NRIP1: variants seen among roughly 807,000 people sequenced by gnomAD.
The protein encoded by NRIP1 is nuclear receptor interacting protein 1, also known as nuclear receptor-interacting protein 1.
A neutral mutation model predicts 75.0 loss-of-function variants in NRIP1; 28 were observed. That is an observed-to-expected ratio of 0.37 (90% confidence interval 0.28 to 0.51). The LOEUF (loss-of-function observed/expected upper bound fraction) is 0.51. NRIP1 is among the 20% of genes least tolerant of loss of function. The probability of loss-of-function intolerance (pLI) is 0.92; values close to 1 mark genes in which losing one functional copy is unlikely to be tolerated. For synonymous variants in NRIP1, 526 were observed against 487.6 expected (o/e 1.08, Z -1.04); for missense variants, 1,435 against 1,343.7 (o/e 1.07, Z -1.06).
intron 2 of NRIP1, among the ~76,000 whole-genome samples, chr21:15,037,549 T>C (rs1401612054): frequency 6.6e-6 from 1 of 152,166 alleles, no homozygotes; most frequent in Non-Finnish European, 1.5e-5. Context: ...GCAGTGTGAA[T>C]GGCATTCATC....
At position 14,964,932 on chromosome 21, in the gene NRIP1, C is replaced by T. The variant is rs753774485; in HGVS notation, c.3261G>A (p.Lys1087=). 11 of 1,613,758 alleles carry T rather than the reference C, an allele frequency of 6.8e-6. No homozygotes were observed. The highest frequency in any genetic ancestry group is 3.3e-5 in the South Asian group (3 of 91,044). The change falls in exon 4 of 4, where the codon AAG becomes AAA. Residue 1087 remains lysine (K), a synonymous_variant. Transcript: ENST00000318948. ...CAGATGAAGCCTCCCTCCAAATGTC[C>T]TTGTCTTGTGTTTCTCGACTGGTAA... ...NSVTSRETQD[K]DIWREASSAE...
chr21:15,021,187 C>A (rs2088364750), intron 2 of NRIP1, among the ~76,000 whole-genome samples: 1 of 152,062 alleles, frequency 6.6e-6, no homozygotes, highest in African/African-American at 2.4e-5. Flanking sequence ...TAAAGGCAAG[C>A]ATAAAGTGTA....
chr21:15,053,564 A>C (rs2089246027), intron 1 of NRIP1, among the ~76,000 whole-genome samples: 1 of 152,244 alleles, frequency 6.6e-6, no homozygotes, highest in African/African-American at 2.4e-5. Flanking sequence ...ATTTATAGAA[A>C]TTCACACATT....
chr21:15,020,385 C>T (rs1410446584), intron 2 of NRIP1, among the ~76,000 whole-genome samples: 4 of 152,078 alleles, frequency 2.6e-5, no homozygotes, highest in African/African-American at 7.2e-5. Context: ...GTTAGATATC[C>T]ATATGTGAAA....
intron 3 of NRIP1, among the ~76,000 whole-genome samples, chr21:15,003,712 G>A (rs1190434592): frequency 1.3e-5 from 2 of 152,180 alleles, no homozygotes; most frequent in Non-Finnish European, 1.5e-5. Context: ...TGCCCAATTA[G>A]GCAGCTGTCA....
intron 3 of NRIP1, among the ~76,000 whole-genome samples, chr21:15,004,109 G>A (rs2087911252): frequency 6.6e-6 from 1 of 152,032 alleles, no homozygotes; most frequent in South Asian, 2.1e-4. Flanking sequence ...TTTCTCAATA[G>A]GAGAAAAATC....
At chr21:14,992,216 T>C (rs1189241526) in intron 3 of NRIP1, 1 of 152,100 alleles carries the variant, frequency 6.6e-6, no homozygotes, top group Non-Finnish European at 1.5e-5. Context: ...TTTTACATGT[T>C]TGTTTGTTTG....
At position 14,965,141 on chromosome 21, in the gene NRIP1, A is replaced by G. The variant is rs751436045; in HGVS notation, c.3052T>C (p.Leu1018=). Reference sequence around the variant, plus strand: ...TCTGGTCTAGACCCTGCACAGCCCAAGTGCTCAGGGAAAGTAGGACTCACA... The same window carrying G: ...TCTGGTCTAGACCCTGCACAGCCCAGGTGCTCAGGGAAAGTAGGACTCACA... ...TPVSPTFPEH[L]GCAGSRPESG... The change falls in exon 4 of 4, where the codon TTG becomes CTG. Residue 1018 remains leucine (L), a synonymous_variant. Coordinates refer to ENST00000318948, the MANE Select transcript of NRIP1 (RefSeq NM_003489.4). 7 of 1,613,080 alleles carry G rather than the reference A, an allele frequency of 4.3e-6. No individual in the cohort carries two copies. The highest frequency in any genetic ancestry group is 4.2e-6 in the Non-Finnish European group (5 of 1,179,928).
chr21:15,060,354 T>C (rs916022675), intron 1 of NRIP1, among the ~76,000 whole-genome samples: 1 of 152,168 alleles, frequency 6.6e-6, no homozygotes, highest in Admixed American at 6.5e-5. Context: ...GAAACCCTGA[T>C]AAGACTTCAG....
rs1423968719 is a variant in NRIP1, at chr21:14,965,235, G to C, written c.2958C>G (p.Tyr986Ter). The C allele has an allele frequency of 6.2e-7, 1 of 1,613,944 alleles. No homozygotes were observed. The highest frequency in any genetic ancestry group is 2.2e-5 in the East Asian group (1 of 44,882). The change falls in exon 4 of 4, where the codon TAC (tyrosine) becomes TAG (stop). Residue 986 changes from tyrosine (Y) to a stop codon, truncating the protein, a stop_gained. Transcript: ENST00000318948. LOFTEE classifies it high-confidence loss of function. The stretch of plus-strand genomic sequence containing the variant: ...TGCAACTGCTGGGCTGAGTGGAACT[G>C]TACATCAGTCCATTTAAAGAAGAAA... ...FSISSLNGLM[Y>*]SSTQPSSCMD...
At chr21:14,994,217 C>G (rs192358751) in intron 3 of NRIP1, among the ~76,000 whole-genome samples, 237 of 152,230 alleles carry the variant, frequency 1.6e-3, no homozygotes, top group African/African-American at 5.2e-3. Flanking sequence ...CTCCGCCTCC[C>G]GAGTTCAAGT....
intron 2 of NRIP1, among the ~76,000 whole-genome samples, chr21:15,031,148 A>G (rs8128994): frequency 3.8e-3 from 265 of 69,506 alleles, no homozygotes; most frequent in Middle Eastern, 9.6e-3. Flanking sequence ...CGCACGGAGG[A>G]TCACCACATT....
rs76206490 is a variant in NRIP1 at position 15,055,401 on chromosome 21, A to G, written c.-538+9344T>C. On this transcript the variant is annotated intron_variant, in intron 1 of 3. Transcript: ENST00000318948. ...GTAACATGTAAAACAATGCCACTGC[A>G]TGAACATGTACATAACTGTACTATT... Among the ~76,000 whole-genome samples the G allele has an allele frequency of 1.4e-4, 22 of 152,384 alleles. No individual in the cohort carries two copies. In the East Asian group the frequency reaches 4.1e-3, roughly 28 times the overall value.
intron 1 of NRIP1, among the ~76,000 whole-genome samples, chr21:15,062,821 C>A (rs1350234260): frequency 1.3e-5 from 2 of 152,110 alleles, no homozygotes; most frequent in Non-Finnish European, 2.9e-5. Flanking sequence ...GTCAGAAAAG[C>A]CTTTAGTCTC....
In NRIP1 at chr21:14,966,840, T is replaced by C; in HGVS notation, c.1353A>G (p.Lys451=). ...GGGAAACAGGTTGGTCAGATTCTGA[T>C]TTTTCAGTTCGGTGTTTGCAAGACA... ...IDLSCKHRTE[K]SESDQPVSLD... Residue 451 remains lysine (K), a synonymous_variant, in exon 4 of 4, where the codon AAA becomes AAG. Transcript: ENST00000318948. 3.1e-6 allele frequency: 5 copies of C among 1,614,130 alleles called. No homozygotes were observed. Among genetic ancestry groups the C allele is most frequent in the Non-Finnish European group, 4.2e-6 (5 of 1,179,998 alleles).
intron 1 of NRIP1, among the ~76,000 whole-genome samples, chr21:15,061,985 A>T (rs1178118700): frequency 6.6e-6 from 1 of 152,230 alleles, no homozygotes; most frequent in Non-Finnish European, 1.5e-5. Context: ...CTCTGCTTTC[A>T]GATATGCGTT....
intron 2 of NRIP1, among the ~76,000 whole-genome samples, chr21:15,024,604 G>C (rs1437933581): frequency 1.4e-5 from 2 of 143,262 alleles, no homozygotes; most frequent in Non-Finnish European, 3.1e-5. Context: ...GTGTCTGTGT[G>C]TGTGTGTCCT....
intron 3 of NRIP1, chr21:14,992,219 T>C (rs748768490): frequency 5.3e-5 from 8 of 152,140 alleles, no homozygotes; most frequent in Non-Finnish European, 1.0e-4. Flanking sequence ...TACATGTTTG[T>C]TTGTTTGTTT....
intron 2 of NRIP1, among the ~76,000 whole-genome samples, chr21:15,029,509 A>G (rs2088595380): frequency 6.6e-6 from 1 of 152,154 alleles, no homozygotes. Context: ...TTAGCACTTA[A>G]TAAGATACCA....
Sources: allele counts gnomAD v4.1 joint callset (sites outside exome capture counted in the v4.1 genomes callset), GRCh38; gene constraint gnomAD v4.1.1; transcripts MANE v1.5; gene names NCBI Gene and HGNC (gene_info 2026-07-23, HGNC 2026-07-21).